The following TG variants were observed in gnomAD, a reference collection of about 807,000 sequenced individuals.
TG encodes the protein thyroid hormones.
In TG, 270 loss-of-function variants were observed where a neutral mutation model predicts 324.7. That is an observed-to-expected ratio of 0.83 (90% confidence interval 0.75 to 0.92). The LOEUF (loss-of-function observed/expected upper bound fraction) is 0.92, where lower values mean the gene tolerates loss of function less well. Among genes scored for constraint, TG ranks in the 40% least tolerant of loss-of-function variants. The pLI, the probability that TG is intolerant of heterozygous loss-of-function variation, is 0.00. For synonymous variants in TG, 1,401 were observed against 1,327.0 expected, an observed-to-expected ratio of 1.06 and a Z score of -1.21; for missense variants, 3,591 against 3,456.4, an observed-to-expected ratio of 1.04 and a Z score of -0.98.
rs374206441 is a variant in TG at position 133,017,731 on chromosome 8, T to C, written c.6563-47T>C. On this transcript the variant is annotated intron_variant, in intron 37 of 47. Coordinates refer to ENST00000220616, the MANE Select transcript of TG (RefSeq NM_003235.5). ...GAATGCCAGTGGAGAGAGCACTCAC[T>C]GAGGCCTCTCCCCTTCCTCACCCCT... 3.3e-5 allele frequency: 51 copies of C among 1,556,166 alleles called. 2 individuals are homozygous for C. The South Asian group carries it at 3.5e-4, about 11-fold the overall frequency.
In TG at chr8:132,972,593, C is replaced by A. The variant is rs778053438; in HGVS notation, c.6056-5C>A. 3.1e-6 allele frequency: 5 copies of A among 1,594,560 alleles called. No homozygotes were observed. The South Asian group carries it at 4.4e-5, about 14-fold the overall frequency. On this transcript the variant is annotated splice_polypyrimidine_tract_variant and splice_region_variant and intron_variant, in intron 33 of 47. Coordinates refer to ENST00000220616, the MANE Select transcript of TG (RefSeq NM_003235.5). ...GGTTTTTTGTTTTTTTTTTTTCCACCCCAGGAGGAGAGGTGACATGTCTCA... is the reference window on the plus strand; with the variant it reads ...GGTTTTTTGTTTTTTTTTTTTCCACACCAGGAGGAGAGGTGACATGTCTCA...
intron 41 of TG, among the ~76,000 whole-genome samples, chr8:133,078,023 G>A (rs1437286499): frequency 6.6e-6 from 1 of 152,194 alleles, no homozygotes; most frequent in Non-Finnish European, 1.5e-5. Context: ...GTAAAGTGCT[G>A]CCCTGAGGGC....
At chr8:132,925,268 T>C (rs1821678990) in intron 22 of TG, among the ~76,000 whole-genome samples, 1 of 152,198 alleles carries the variant, frequency 6.6e-6, no homozygotes, top group Non-Finnish European at 1.5e-5. Flanking sequence ...TTGGTGTATG[T>C]CAAACCACCA....
chr8:133,040,910 C>T (rs1838094868), intron 41 of TG, among the ~76,000 whole-genome samples: 1 of 152,120 alleles, frequency 6.6e-6, no homozygotes, highest in Non-Finnish European at 1.5e-5. Context: ...TTAAATAAAC[C>T]CGTTTCTTTT....
chr8:132,905,052 G>A (rs1192067150), intron 16 of TG, among the ~76,000 whole-genome samples: 1 of 152,100 alleles, frequency 6.6e-6, no homozygotes, highest in Non-Finnish European at 1.5e-5. Context: ...AGGGTTGTGG[G>A]GAACATTATA....
intron 34 of TG, among the ~76,000 whole-genome samples, chr8:132,976,378 C>A (rs1468615618): frequency 6.6e-6 from 1 of 152,190 alleles, no homozygotes; most frequent in Non-Finnish European, 1.5e-5. Context: ...GCATTAGTCC[C>A]ACCCATGAGG....
chr8:132,935,764 T>G lies in TG; in HGVS notation c.4941T>G (p.Asp1647Glu), dbSNP rs573560722. The change falls in exon 25 of 48, where the codon GAT (aspartate) becomes GAG (glutamate). Residue 1647 changes from aspartate (D) to glutamate (E), a missense_variant. Coordinates refer to ENST00000220616, the MANE Select transcript of TG (RefSeq NM_003235.5). ...VACMTSDQKR[D>E]ALGNSKATSF... ...CATCTTTCCATCTCCAGAAACGAGA[T>G]GCACTGGGGAACTCAAAGGCCACCA... is the stretch of plus-strand genomic sequence containing the variant. 1.1e-5 allele frequency: 17 copies of G among 1,612,568 alleles called. No homozygotes were observed. The highest frequency in any genetic ancestry group is 1.4e-5 in the Non-Finnish European group (16 of 1,179,644).
intron 41 of TG, among the ~76,000 whole-genome samples, chr8:133,051,774 A>G (rs764836109): frequency 6.6e-6 from 1 of 152,186 alleles, no homozygotes; most frequent in South Asian, 2.1e-4. Flanking sequence ...ATTTGGATAC[A>G]TTTTTGGGGG....
In TG at chr8:132,919,469, T is replaced by A. The variant is rs987721722; in HGVS notation, c.4472T>A (p.Val1491Asp). The change falls in exon 21 of 48, where the codon GTC (valine) becomes GAC (aspartate). Residue 1491 changes from valine to aspartate, a missense_variant. By Grantham distance (152) the Val-to-Asp change is radical (BLOSUM62 -3). Coordinates refer to ENST00000220616, the MANE Select transcript of TG (RefSeq NM_003235.5). ...GAACAGGCAGGGAGCTTGGCCTGTG[T>A]CCCATGTCCTGTGGGCAGAACGACC... is the stretch of plus-strand genomic sequence containing the variant. ...YQEQAGSLAC[V>D]PCPVGRTTIS... 1.2e-6 allele frequency: 2 copies of A among 1,614,138 alleles called. No individual in the cohort carries two copies. The highest frequency in any genetic ancestry group is 1.7e-6 in the Non-Finnish European group (2 of 1,180,008).
intron 6 of TG, 68 bp from the exon 7 acceptor site, chr8:132,882,401 T>G (rs1294456286): frequency 6.3e-6 from 10 of 1,578,880 alleles, no homozygotes; most frequent in Non-Finnish European, 7.0e-6. Context: ...AGTATCTGTT[T>G]GCACAACAAG....
intron 35 of TG, among the ~76,000 whole-genome samples, chr8:133,011,647 G>A (rs945336372): frequency 2.0e-5 from 3 of 152,178 alleles, no homozygotes; most frequent in Non-Finnish European, 4.4e-5. Flanking sequence ...AATAGAAACA[G>A]CCATGCTTTC....
Position 132,933,624 on chromosome 8 carries a change from G to A in TG, c.4880G>A (p.Cys1627Tyr), listed in dbSNP as rs374186378. Residue 1627 changes from cysteine to tyrosine, a missense_variant, in exon 24 of 48, where the codon TGT (cysteine) becomes TAT (tyrosine). By Grantham distance (194) the Cys-to-Tyr change is radical. Coordinates refer to ENST00000220616, the MANE Select transcript of TG (RefSeq NM_003235.5). ...TVSTTEPEIS[C>Y]DFYAWTSDNV... ...TCCACGACGGAGCCAGAGATTTCCTGTGATTTCTATGCTTGGACAAGTGAC... is the reference window on the plus strand; with the variant it reads ...TCCACGACGGAGCCAGAGATTTCCTATGATTTCTATGCTTGGACAAGTGAC... The A allele has an allele frequency of 3.5e-5, 57 of 1,614,066 alleles. No individual in the cohort carries two copies. Among genetic ancestry groups the A allele is most frequent in the Non-Finnish European group, 4.7e-5 (55 of 1,180,044 alleles).
chr8:132,960,030 G>A (rs572601442), intron 27 of TG, among the ~76,000 whole-genome samples: 6 of 152,112 alleles, frequency 3.9e-5, no homozygotes, highest in Non-Finnish European at 8.8e-5. Flanking sequence ...TGGATAAATG[G>A]TAATAACTGT....
chr8:132,984,073 C>G (rs958056697), intron 35 of TG, among the ~76,000 whole-genome samples: 1 of 152,216 alleles, frequency 6.6e-6, no homozygotes, highest in African/African-American at 2.4e-5. Flanking sequence ...GCATGGGCCT[C>G]ACTGCACCGT....
At chr8:132,981,984 A>G (rs1830921877) in intron 34 of TG, among the ~76,000 whole-genome samples, 1 of 152,108 alleles carries the variant, frequency 6.6e-6, no homozygotes, top group Non-Finnish European at 1.5e-5. Context: ...ACACAGCATG[A>G]CTCTGACCCA....
chr8:132,987,940 C>T (rs1032797406), intron 35 of TG, among the ~76,000 whole-genome samples: 7 of 152,108 alleles, frequency 4.6e-5, no homozygotes, highest in Non-Finnish European at 1.0e-4. Context: ...ATAGTATGTA[C>T]TCAAGACAGG....
At position 132,898,265 on chromosome 8, in the gene TG, G is replaced by A. The variant is rs778600212; in HGVS notation, c.3217+19G>A. 2 of 1,575,756 alleles carry A rather than the reference G, an allele frequency of 1.3e-6. No individual in the cohort carries two copies. Among genetic ancestry groups the A allele is most frequent in the Non-Finnish European group, 1.7e-6 (2 of 1,159,572 alleles). ...CCACAGTGTAAGTGAAGACTGCAGA[G>A]TTCTCCTCCTGACCCCCCTTGGTGG... is the stretch of plus-strand genomic sequence containing the variant. On this transcript the variant is annotated intron_variant, in intron 13 of 47. Coordinates refer to ENST00000220616, the MANE Select transcript of TG (RefSeq NM_003235.5).
chr8:133,094,333 C>T (rs1042930465), intron 41 of TG, among the ~76,000 whole-genome samples: 1 of 151,200 alleles, frequency 6.6e-6, no homozygotes, highest in African/African-American at 2.4e-5. Context: ...CTCCGCCTCC[C>T]GGGTTCACGC....
At chr8:133,029,205 C>G (rs1238109421) in intron 40 of TG, among the ~76,000 whole-genome samples, 2 of 151,160 alleles carry the variant, frequency 1.3e-5, no homozygotes, top group East Asian at 3.9e-4. Context: ...TTTTGCTATA[C>G]TTGTTTGTAT....
Sources: gnomAD v4.1 joint callset for allele counts (sites outside exome capture counted in the v4.1 genomes callset) on GRCh38, gnomAD v4.1.1 for gene constraint, MANE v1.5 for transcripts, NCBI Gene and HGNC (gene_info 2026-07-23, HGNC 2026-07-21) for gene names.